The following LEPR variants were observed in gnomAD, a reference collection of about 807,000 sequenced individuals.
LEPR encodes leptin receptor.
LEPR carries 56 observed loss-of-function variants against 114.7 expected under a neutral mutation model. That is an observed-to-expected ratio of 0.49 (90% confidence interval 0.39 to 0.61). The LOEUF is 0.61. Among genes scored for constraint, LEPR ranks in the 20% least tolerant of loss-of-function variants. The pLI is 0.00. For missense variants in LEPR, 1,202 were observed against 1,352.9 expected (o/e 0.89, Z 1.75); for synonymous variants, 443 against 461.4 (o/e 0.96, Z 0.51).
chr1:65,551,629 T>G (rs895264523), intron 2 of LEPR, among the ~76,000 whole-genome samples: 2 of 152,028 alleles, frequency 1.3e-5, no homozygotes, highest in Non-Finnish European at 2.9e-5. Flanking sequence ...GCTAGTGGTC[T>G]ATTTTGTTGA....
intron 12 of LEPR, among the ~76,000 whole-genome samples, chr1:65,609,178 A>G (rs926741288): frequency 6.6e-6 from 1 of 152,254 alleles, no homozygotes; most frequent in African/African-American, 2.4e-5. Flanking sequence ...GAAACCCTGT[A>G]TCACTGTATC....
At chr1:65,438,535 C>T (rs1211105244) in intron 2 of LEPR, among the ~76,000 whole-genome samples, 2 of 115,464 alleles carry the variant, frequency 1.7e-5, no homozygotes, top group Non-Finnish European at 3.3e-5. Context: ...GGCGACAGAG[C>T]GAGACTCTGT....
chr1:65,581,981 C>G (rs769922302), intron 5 of LEPR, among the ~76,000 whole-genome samples: 3 of 152,164 alleles, frequency 2.0e-5, no homozygotes, highest in Non-Finnish European at 2.9e-5. Context: ...CTTTGAAGTC[C>G]GCCAGATTTC....
At chr1:65,557,113 T>C (rs1652865791) in intron 2 of LEPR, among the ~76,000 whole-genome samples, 2 of 152,174 alleles carry the variant, frequency 1.3e-5, no homozygotes, top group South Asian at 4.1e-4. Context: ...TTGAAATTGC[T>C]TTGAAACTCT....
rs1188925151 is a variant in LEPR at position 65,457,430 on chromosome 1, TGATA to T, written c.-21+32056_-21+32059del. Among the ~76,000 whole-genome samples, 5 of 152,290 alleles carry T rather than the reference TGATA, an allele frequency of 3.3e-5. No individual in the cohort carries two copies. The East Asian group carries it at 9.6e-4, about 29-fold the overall frequency. ...GCTTTTCAGTTTTGGAGGTTTCTAC[TGATA>T]GATCCCCAGTCTCAGAAATTCTTTC... On this transcript the variant is annotated intron_variant, in intron 2 of 19. Coordinates refer to ENST00000349533, the MANE Select transcript of LEPR (RefSeq NM_002303.6).
chr1:65,566,723 A>T (rs953663428), intron 3 of LEPR, among the ~76,000 whole-genome samples: 1 of 152,186 alleles, frequency 6.6e-6, no homozygotes, highest in African/African-American at 2.4e-5. Context: ...GGCAGCTGTT[A>T]CCTGTGTGTC....
chr1:65,442,260 A>G (rs1199130396), intron 2 of LEPR, among the ~76,000 whole-genome samples: 1 of 152,194 alleles, frequency 6.6e-6, no homozygotes. Flanking sequence ...ACAACTCCTT[A>G]TCTTGACCAG....
intron 2 of LEPR, among the ~76,000 whole-genome samples, chr1:65,564,202 G>A (rs879293045): frequency 0.024 from 3,563 of 149,706 alleles, 10 homozygotes; most frequent in East Asian, 0.16. Flanking sequence ...AGCAATCAGC[G>A]AGATTCCGTG....
chr1:65,629,953 A>G (rs943205862), intron 19 of LEPR, among the ~76,000 whole-genome samples: 6 of 151,912 alleles, frequency 3.9e-5, no homozygotes, highest in African/African-American at 1.5e-4. Flanking sequence ...ATCTTTCTTA[A>G]CTACACCCTT....
intron 2 of LEPR, chr1:65,433,776 A>G: frequency 1.1e-6 from 1 of 934,046 alleles, no homozygotes; most frequent in Non-Finnish European, 1.3e-6. Context: ...CATTTATTGT[A>G]TTGTAATAAA....
At chr1:65,547,357 G>C (rs1322444009) in intron 2 of LEPR, among the ~76,000 whole-genome samples, 1 of 152,242 alleles carries the variant, frequency 6.6e-6, no homozygotes, top group Non-Finnish European at 1.5e-5. Flanking sequence ...TTTTTCTATT[G>C]ATTGGAGTTG....
intron 19 of LEPR, among the ~76,000 whole-genome samples, chr1:65,628,826 A>G (rs1225359397): frequency 1.3e-5 from 2 of 152,126 alleles, no homozygotes; most frequent in Non-Finnish European, 2.9e-5. Context: ...TTTTGAAAAA[A>G]TATATGTGAA....
rs1244102878 is a variant in LEPR at position 65,633,359 on chromosome 1, A to G, written c.2674-2832A>G. On this transcript the variant is annotated intron_variant, in intron 19 of 19. Coordinates refer to ENST00000349533, the MANE Select transcript of LEPR (RefSeq NM_002303.6). The surrounding 1 kb of genome is among the most constrained non-coding windows in gnomAD (Gnocchi z 4.1). ...AAATAGATGTGTAAATTTGGGTTCA[A>G]AATGTAGATTTGAGTCCAGTTTGGA... The G allele has an allele frequency of 7.5e-7, 1 of 1,342,150 alleles. No individual in the cohort carries two copies. Among genetic ancestry groups the G allele is most frequent in the East Asian group, 2.7e-5 (1 of 37,334 alleles). 83.1% of individuals were successfully genotyped at this position (1,342,150 alleles called of 1,614,324 possible).
chr1:65,524,742 T>C (rs1649814986), intron 2 of LEPR, among the ~76,000 whole-genome samples: 1 of 152,214 alleles, frequency 6.6e-6, no homozygotes, highest in African/African-American at 2.4e-5. Flanking sequence ...CCTTACCCTG[T>C]TGATTTCTTC....
At chr1:65,574,607 G>C (rs955772965) in intron 5 of LEPR, among the ~76,000 whole-genome samples, 2 of 152,160 alleles carry the variant, frequency 1.3e-5, no homozygotes, top group African/African-American at 4.8e-5. Context: ...CAAAGCACTT[G>C]CTATGTTTAA....
chr1:65,432,357 G>A (rs1176391457), intron 2 of LEPR: 1 of 977,804 alleles, frequency 1.0e-6, no homozygotes, highest in Non-Finnish European at 1.2e-6. Context: ...CACAGACCAA[G>A]AGCCTCAACA....
At chr1:65,522,273 C>T (rs1649672064) in intron 2 of LEPR, among the ~76,000 whole-genome samples, 1 of 152,064 alleles carries the variant, frequency 6.6e-6, no homozygotes. Context: ...TTTCTCCCTG[C>T]CCTCAGTAAT....
At chr1:65,498,779 T>C (rs1294343006) in intron 2 of LEPR, among the ~76,000 whole-genome samples, 1 of 152,174 alleles carries the variant, frequency 6.6e-6, no homozygotes, top group African/African-American at 2.4e-5. Context: ...AGGTATATGC[T>C]TGACTCCATA....
intron 2 of LEPR, among the ~76,000 whole-genome samples, chr1:65,532,057 G>A (rs6662904): frequency 0.33 from 49,702 of 152,036 alleles, 10,306 homozygotes; most frequent in Non-Finnish European, 0.46. Context: ...TTAATTTTTC[G>A]CCATCTGATG....
Sources: allele counts gnomAD v4.1 joint callset (sites outside exome capture counted in the v4.1 genomes callset), GRCh38; gene constraint gnomAD v4.1.1; non-coding constraint Gnocchi (gnomAD v3.1); transcripts MANE v1.5; gene names NCBI Gene and HGNC (gene_info 2026-07-23, HGNC 2026-07-21).